The following MEGF10 variants were observed in gnomAD, a reference collection of about 807,000 sequenced individuals.
The protein encoded by MEGF10 is multiple EGF like domains 10.
Under a neutral mutation model 147.5 loss-of-function variants are expected in MEGF10, and 86 were observed. That is an observed-to-expected ratio of 0.58 (90% CI 0.49 to 0.70). The LOEUF (loss-of-function observed/expected upper bound fraction) is 0.70. Ranked by LOEUF, MEGF10 falls within the 30% of genes least tolerant of loss-of-function variation. The pLI, the probability that MEGF10 is intolerant of heterozygous loss-of-function variation, is 0.00. For missense variants in MEGF10, 1,329 were observed against 1,487.3 expected (o/e 0.89, Z 1.75); for synonymous variants, 478 against 525.5 (o/e 0.91, Z 1.24).
chr5:127,422,809 C>T (rs765117822), intron 13 of MEGF10, 37 bp downstream of exon 13: 36 of 1,504,406 alleles, frequency 2.4e-5, no homozygotes, highest in South Asian at 1.6e-4. Context: ...AGGTGAAACC[C>T]GCCAATTTAA....
At chr5:127,343,859 A>G (rs148317382) in intron 4 of MEGF10, among the ~76,000 whole-genome samples, 4 of 152,178 alleles carry the variant, frequency 2.6e-5, no homozygotes, top group African/African-American at 7.2e-5. Flanking sequence ...AAAGTCAGCT[A>G]TGATTGAGGA....
Position 127,379,971 on chromosome 5 carries a change from C to A in MEGF10, c.412+9969C>A, listed in dbSNP as rs185113450. 2.3e-3 allele frequency among the ~76,000 whole-genome samples: 349 copies of A among 152,228 alleles called. 2 individuals carry two copies. Among genetic ancestry groups the A allele is most frequent in the Middle Eastern group, 0.01 (3 of 294 alleles). Reference sequence around the variant, plus strand: ...CCACCATACAGACACTATCTCTGACCTCCATATGCAGAGTATGACCCTATT... The same window carrying A: ...CCACCATACAGACACTATCTCTGACATCCATATGCAGAGTATGACCCTATT... On this transcript the variant is annotated intron_variant, in intron 5 of 24. Coordinates refer to ENST00000503335, the MANE Select transcript of MEGF10 (RefSeq NM_001256545.2).
intron 1 of MEGF10, among the ~76,000 whole-genome samples, chr5:127,300,307 C>G (rs1759711113): frequency 6.6e-6 from 1 of 152,144 alleles, no homozygotes; most frequent in Non-Finnish European, 1.5e-5. Flanking sequence ...GCTTCCAGGC[C>G]CGAATACTGT....
At chr5:127,298,342 T>C (rs936006657) in intron 1 of MEGF10, among the ~76,000 whole-genome samples, 3 of 152,038 alleles carry the variant, frequency 2.0e-5, no homozygotes, top group African/African-American at 7.3e-5. Context: ...CAGGTGTTTT[T>C]CCCCCAACAC....
At chr5:127,377,387 C>T (rs948563549) in intron 5 of MEGF10, among the ~76,000 whole-genome samples, 1 of 152,150 alleles carries the variant, frequency 6.6e-6, no homozygotes, top group African/African-American at 2.4e-5. Flanking sequence ...ATGCTTGTCC[C>T]TCGGGCTCTT....
At chr5:127,450,745 T>TTTTGA (rs1400569327) in intron 22 of MEGF10, among the ~76,000 whole-genome samples, 2 of 152,066 alleles carry the variant, frequency 1.3e-5, no homozygotes, top group Non-Finnish European at 2.9e-5. Flanking sequence ...TAATGTTTTG[T>TTTTGA]TTTGTTTTGT....
intron 5 of MEGF10, among the ~76,000 whole-genome samples, chr5:127,373,495 C>T (rs1762920483): frequency 6.6e-6 from 1 of 152,084 alleles, no homozygotes; most frequent in Non-Finnish European, 1.5e-5. Context: ...ATTTTGAGTG[C>T]TTTCTTACTT....
chr5:127,398,875 G>A, intron 7 of MEGF10, 79 bp downstream of exon 7: 1 of 1,579,658 alleles, frequency 6.3e-7, no homozygotes, highest in South Asian at 1.1e-5. Flanking sequence ...ACATGCAGGA[G>A]ACTTTAGCAC....
Position 127,337,879 on chromosome 5 carries a change from C to T in MEGF10, c.117-1241C>T, listed in dbSNP as rs111283738. On this transcript the variant is annotated intron_variant, in intron 2 of 24. Transcript: ENST00000503335. ...CCTTCTAATCCAGTGCTCTTTTCAA[C>T]AGAGCCTGTTTCATTGCCCAACATT... 4.1e-3 allele frequency among the ~76,000 whole-genome samples: 621 copies of T among 152,220 alleles called. 4 individuals are homozygous for T. Among genetic ancestry groups the T allele is most frequent in the African/African-American group, 0.014 (586 of 41,560 alleles).
the MEGF10 span, among the ~76,000 whole-genome samples, chr5:127,283,553 T>G: frequency 1.3e-5 from 2 of 152,162 alleles, no homozygotes; most frequent in African/African-American, 2.4e-5. Context: ...CCAGACACAT[T>G]TGGGAGTCCT....
At chr5:127,247,404 GAAGAAGAAGA>G in the MEGF10 span, among the ~76,000 whole-genome samples, 1 of 60,418 alleles carries the variant, frequency 1.7e-5, no homozygotes, top group Non-Finnish European at 3.2e-5. Context: ...AGAAGAAGAA[GAAGAAGAAGA>G]AGAAGAAGAA....
chr5:127,246,985 A>AATAT, the MEGF10 span, among the ~76,000 whole-genome samples: 3,859 of 104,092 alleles, frequency 0.037, 194 homozygotes, highest in African/African-American at 0.076. Context: ...GTATAAAAAG[A>AATAT]ATATATATAT....
At chr5:127,323,425 C>T (rs554068097) in intron 1 of MEGF10, among the ~76,000 whole-genome samples, 1 of 152,120 alleles carries the variant, frequency 6.6e-6, no homozygotes, top group African/African-American at 2.4e-5. Flanking sequence ...TGAGGTTATG[C>T]CCCTTGGCAC....
At chr5:127,339,455 A>G (rs531003935) in intron 3 of MEGF10, among the ~76,000 whole-genome samples, 1 of 152,228 alleles carries the variant, frequency 6.6e-6, no homozygotes, top group African/African-American at 2.4e-5. Flanking sequence ...GTTTACCATC[A>G]TTTGTTAACA....
At chr5:127,385,193 T>G (rs1763385073) in intron 5 of MEGF10, among the ~76,000 whole-genome samples, 1 of 152,236 alleles carries the variant, frequency 6.6e-6, no homozygotes, top group South Asian at 2.1e-4. Flanking sequence ...GTCATGGATT[T>G]TCCTATGTTT....
intron 13 of MEGF10, chr5:127,424,271 T>A: frequency 1.4e-6 from 1 of 699,484 alleles, no homozygotes; most frequent in Admixed American, 2.0e-5. Flanking sequence ...GTTTTGATTA[T>A]TGTAGCTTAG....
At chr5:127,274,565 T>C in the MEGF10 span, among the ~76,000 whole-genome samples, 2 of 152,164 alleles carry the variant, frequency 1.3e-5, no homozygotes, top group Non-Finnish European at 1.5e-5. Flanking sequence ...GAAACTATTA[T>C]ATTATTTTAA....
At chr5:127,323,987 C>T (rs1260412187) in intron 1 of MEGF10, among the ~76,000 whole-genome samples, 3 of 152,158 alleles carry the variant, frequency 2.0e-5, no homozygotes, top group African/African-American at 7.2e-5. Flanking sequence ...ATTTCAGTGC[C>T]TTCTATGACC....
At chr5:127,288,232 A>C (rs181965059), upstream of MEGF10, among the ~76,000 whole-genome samples, 23 of 152,174 alleles carry the variant, frequency 1.5e-4, no homozygotes, top group Admixed American at 3.9e-4. Context: ...CACACACACA[A>C]AAACACGCTT....
Sources: gnomAD v4.1 joint callset for allele counts (sites outside exome capture counted in the v4.1 genomes callset) on GRCh38, gnomAD v4.1.1 for gene constraint, MANE v1.5 for transcripts, NCBI Gene and HGNC (gene_info 2026-07-23, HGNC 2026-07-21) for gene names.